The following STOML2 variants were observed in gnomAD, a reference collection of about 807,000 sequenced individuals.
STOML2 encodes the protein stomatin-like protein 2, mitochondrial.
In STOML2, 22 loss-of-function variants were observed where a neutral mutation model predicts 45.7. The ratio of observed to expected loss-of-function variants is 0.48; its 90% CI spans 0.34 to 0.69. The LOEUF is 0.69. Among genes scored for constraint, STOML2 ranks in the 30% least tolerant of loss-of-function variants. The pLI is 0.01. For synonymous variants in STOML2, 181 were observed against 182.7 expected (o/e 0.99, Z 0.08); for missense variants, 359 against 466.9 (o/e 0.77, Z 2.13).
At position 35,102,457 on chromosome 9, in the gene STOML2, G is replaced by A; in HGVS notation, c.183+229C>T. 1 of 709,434 alleles carries A rather than the reference G, an allele frequency of 1.4e-6. No homozygotes were observed. Among genetic ancestry groups the A allele is most frequent in the Non-Finnish European group, 2.3e-6 (1 of 434,282 alleles). 43.9% of individuals were successfully genotyped at this position (709,434 alleles called of 1,614,324 possible). A position where few individuals can be genotyped will look rare whatever the true frequency, so the allele number is the denominator to read the frequency against. ...ATAGCCATCTCTATGCAGACTGAGA[G>A]GTAGGGCTGAGAGTGGGCAGGGGAG... On this transcript the variant is annotated intron_variant, in intron 2 of 9. Transcript: ENST00000356493. This position sits in a 1 kb window ranked among gnomAD's most constrained non-coding sequence, Gnocchi z 4.8.
intron 8 of STOML2, 26 bp downstream of exon 8, chr9:35,100,906 C>T (rs1191998311): frequency 6.2e-7 from 1 of 1,614,028 alleles, no homozygotes; most frequent in African/African-American, 1.3e-5. Flanking sequence ...AATTCCTGTC[C>T]CCATTCCCAC....
chr9:35,103,091 G>A lies in STOML2; in HGVS notation c.4C>T (p.Leu2=), dbSNP rs369859096. Residue 2 remains leucine, a synonymous_variant, in exon 1 of 10, where the codon CTG becomes TTG. Coordinates refer to ENST00000356493, the MANE Select transcript of STOML2 (RefSeq NM_013442.3). ...CCAGTGCCCCGCGCCGCGCGCGCCAGCATTTCCCACCGCCGCAGCGACCTC... is the reference window on the plus strand; with the variant it reads ...CCAGTGCCCCGCGCCGCGCGCGCCAACATTTCCCACCGCCGCAGCGACCTC... The part of the protein sequence containing the change: M[L]ARAARGTGAL... The A allele has an allele frequency of 1.2e-6, 2 of 1,613,580 alleles. No individual in the cohort carries two copies. The highest frequency in any genetic ancestry group is 1.3e-5 in the African/African-American group (1 of 75,072).
chr9:35,100,092 A>G lies in STOML2; in HGVS notation c.1014T>C (p.Asp338=). 6.2e-7 allele frequency: 1 copy of G among 1,614,212 alleles called. No homozygotes were observed. The highest frequency in any genetic ancestry group is 1.3e-5 in the African/African-American group (1 of 75,040). Reference sequence around the variant, plus strand: ...CAAGACTTGCATCTGTACCCTGGACATCTCTGCTGCTCCCACTGGAGAGTG... The same window carrying G: ...CAAGACTTGCATCTGTACCCTGGACGTCTCTGCTGCTCCCACTGGAGAGTG... ...PDSLSSGSSR[D]VQGTDASLDE... Residue 338 remains aspartate, a synonymous_variant, in exon 10 of 10, where the codon GAT becomes GAC. Transcript: ENST00000356493.
Position 35,100,693 on chromosome 9 carries a change from C to T in STOML2, c.838G>A (p.Glu280Lys), listed in dbSNP as rs1470743758. ...TTGGAGAACGCGCTGACATACTGCT[C>T]GGCCACAGTCAGTGAAGCTGCTGCA... Reference protein sequence around the residue: ...GDAAASLTVAEQYVSAFSKLA... With the variant: ...GDAAASLTVAKQYVSAFSKLA... Residue 280 changes from glutamate to lysine, a missense_variant, in exon 9 of 10, where the codon GAG becomes AAG. Transcript: ENST00000356493. The T allele has an allele frequency of 2.5e-6, 4 of 1,613,984 alleles. No individual in the cohort carries two copies. Among genetic ancestry groups the T allele is most frequent in the South Asian group, 2.2e-5 (2 of 91,042 alleles).
chr9:35,103,080 C>G lies in STOML2; in HGVS notation c.15G>C (p.Ala5=), dbSNP rs1271913451. 1.2e-6 allele frequency: 2 copies of G among 1,613,920 alleles called. No individual in the cohort carries two copies. Among genetic ancestry groups the G allele is most frequent in the African/African-American group, 1.3e-5 (1 of 75,060 alleles). ...GCAAAAGGGCCCCAGTGCCCCGCGC[C>G]GCGCGCGCCAGCATTTCCCACCGCC... is the stretch of plus-strand genomic sequence containing the variant. The part of the protein sequence containing the change: MLAR[A]ARGTGALLLR... Residue 5 remains alanine (A), a synonymous_variant, in exon 1 of 10, where the codon GCG becomes GCC. Coordinates refer to ENST00000356493, the MANE Select transcript of STOML2 (RefSeq NM_013442.3).
At position 35,102,450 on chromosome 9, in the gene STOML2, A is replaced by C; in HGVS notation, c.183+236T>G. 1.4e-6 allele frequency: 1 copy of C among 691,474 alleles called. No homozygotes were observed. The highest frequency in any genetic ancestry group is 2.4e-6 in the Non-Finnish European group (1 of 418,790). The allele number at this position is 691,474 out of a possible 1,614,324, so 42.8% of individuals were successfully genotyped here. A position where few individuals can be genotyped will look rare whatever the true frequency, so the allele number is the denominator to read the frequency against. The stretch of plus-strand genomic sequence containing the variant: ...CAGCAGAATAGCCATCTCTATGCAG[A>C]CTGAGAGGTAGGGCTGAGAGTGGGC... On this transcript the variant is annotated intron_variant, in intron 2 of 9. Transcript: ENST00000356493. This position sits in a 1 kb window ranked among gnomAD's most constrained non-coding sequence, Gnocchi z 4.8.
Position 35,100,121 on chromosome 9 carries a change from C to A in STOML2, c.985G>T (p.Asp329Tyr), listed in dbSNP as rs1276517125. ...LTKAPVPGTPDSLSSGSSRDV... is the reference protein window; with the variant it reads ...LTKAPVPGTPYSLSSGSSRDV... ...CTGCTGCTCCCACTGGAGAGTGAGT[C>A]TGGAGTCCCTGGCACTGGGGCTTTG... The change falls in exon 10 of 10, where the codon GAC becomes TAC. Residue 329 changes from aspartate to tyrosine, a missense_variant. By Grantham distance (160) the Asp-to-Tyr change is radical (BLOSUM62 -3). This residue lies in a region of STOML2 where 285 missense variants were observed against 422.0 expected (regional missense o/e 0.68). Coordinates refer to ENST00000356493, the MANE Select transcript of STOML2 (RefSeq NM_013442.3). 1 of 1,614,050 alleles carries A rather than the reference C, an allele frequency of 6.2e-7. No homozygotes were observed. Among genetic ancestry groups the A allele is most frequent in the East Asian group, 2.2e-5 (1 of 44,898 alleles).
At position 35,102,673 on chromosome 9, in the gene STOML2, A is replaced by G; in HGVS notation, c.183+13T>C. On this transcript the variant is annotated intron_variant, in intron 2 of 9. Transcript: ENST00000356493. This position sits in a 1 kb window ranked among gnomAD's most constrained non-coding sequence, Gnocchi z 4.8. ...ATCTGGCTGGCCCAGGGTGGGCAGA[A>G]GAGGTTTCTCACAGGCTCCAGGATC... is the stretch of plus-strand genomic sequence containing the variant. The G allele has an allele frequency of 6.2e-7, 1 of 1,611,982 alleles. No homozygotes were observed. The highest frequency in any genetic ancestry group is 2.2e-5 in the East Asian group (1 of 44,874).
chr9:35,101,357 A>G lies in STOML2; in HGVS notation c.579+69T>C. The stretch of plus-strand genomic sequence containing the variant: ...ATGCAACTCTACCCATCATAACAGG[A>G]GGGAAGTCTGGATCCTCCTGGTACT... On this transcript the variant is annotated intron_variant, in intron 6 of 9. Transcript: ENST00000356493. This position sits in a 1 kb window ranked among gnomAD's most constrained non-coding sequence, Gnocchi z 4.3. 6.2e-7 allele frequency: 1 copy of G among 1,610,154 alleles called. No individual in the cohort carries two copies. Among genetic ancestry groups the G allele is most frequent in the Non-Finnish European group, 8.5e-7 (1 of 1,178,340 alleles).
rs778672923 is a variant in STOML2 at position 35,100,705 on chromosome 9, G to A, written c.826C>T (p.Leu276=). 8 of 1,614,180 alleles carry A rather than the reference G, an allele frequency of 5.0e-6. No individual in the cohort carries two copies. Among genetic ancestry groups the A allele is most frequent in the Non-Finnish European group, 6.8e-6 (8 of 1,180,040 alleles). ...TQHNGDAAAS[L]TVAEQYVSAF... ...CTGACATACTGCTCGGCCACAGTCA[G>A]TGAAGCTGCTGCATCTCCATTCTGT... The change falls in exon 9 of 10, where the codon CTG becomes TTG. Residue 276 remains leucine, a synonymous_variant. Coordinates refer to ENST00000356493, the MANE Select transcript of STOML2 (RefSeq NM_013442.3).
chr9:35,101,411 C>T lies in STOML2; in HGVS notation c.579+15G>A. 6.2e-7 allele frequency: 1 copy of T among 1,614,082 alleles called. No homozygotes were observed. Among genetic ancestry groups the T allele is most frequent in the Non-Finnish European group, 8.5e-7 (1 of 1,179,944 alleles). ...GCACCCTGAGGCCCTTTTCCCACCC[C>T]TCCTTGGCCCCCACCTGCATCTGCA... On this transcript the variant is annotated intron_variant, in intron 6 of 9. Coordinates refer to ENST00000356493, the MANE Select transcript of STOML2 (RefSeq NM_013442.3). The surrounding 1 kb of genome is among the most constrained non-coding windows in gnomAD (Gnocchi z 4.3).
chr9:35,103,181 T>A (rs1408382598), upstream of STOML2: 8 of 1,524,780 alleles, frequency 5.2e-6, no homozygotes, highest in Non-Finnish European at 6.2e-6. Flanking sequence ...CCTCTTGCAG[T>A]TCCGCTCCCC....
chr9:35,101,120 C>A lies in STOML2; in HGVS notation c.724+15G>T, dbSNP rs1469368042. On this transcript the variant is annotated intron_variant, in intron 7 of 9. Coordinates refer to ENST00000356493, the MANE Select transcript of STOML2 (RefSeq NM_013442.3). The surrounding 1 kb of genome is among the most constrained non-coding windows in gnomAD (Gnocchi z 4.3). ...CCATGCCTTGCTCCTCCCTCAGCCT[C>A]TACCCTCTCCTGACCTGCTGCCTGA... The A allele has an allele frequency of 1.2e-6, 2 of 1,614,226 alleles. No homozygotes were observed. The highest frequency in any genetic ancestry group is 1.1e-5 in the South Asian group (1 of 91,086).
intron 8 of STOML2, 38 bp from the exon 9 acceptor site, chr9:35,100,764 T>C (rs1196759817): frequency 1.9e-6 from 3 of 1,613,326 alleles, no homozygotes; most frequent in Admixed American, 3.3e-5. Context: ...AGATCACCGA[T>C]ACGGAGAAGA....
intron 8 of STOML2, 95 bp downstream of exon 8, chr9:35,100,837 C>G: frequency 1.2e-6 from 2 of 1,608,948 alleles, no homozygotes; most frequent in Non-Finnish European, 1.7e-6. Context: ...TCTGGCTCAA[C>G]AGAGCCCACA....
Position 35,102,831 on chromosome 9 carries a change from A to G in STOML2, c.46-8T>C. ...AGAAGCCAGTAGAGAGCCCTGAAGG[A>G]AAGAAGAGGGTGAGCAGAGATCCCA... On this transcript the variant is annotated splice_region_variant and splice_polypyrimidine_tract_variant and intron_variant, in intron 1 of 9. Coordinates refer to ENST00000356493, the MANE Select transcript of STOML2 (RefSeq NM_013442.3). This position sits in a 1 kb window ranked among gnomAD's most constrained non-coding sequence, Gnocchi z 4.8. The G allele has an allele frequency of 1.2e-6, 2 of 1,613,698 alleles. No individual in the cohort carries two copies. The highest frequency in any genetic ancestry group is 2.7e-5 in the African/African-American group (2 of 75,050).
In STOML2 at chr9:35,101,951, G is replaced by A; in HGVS notation, c.295C>T (p.Leu99=). 1 of 1,614,158 alleles carries A rather than the reference G, an allele frequency of 6.2e-7. No individual in the cohort carries two copies. The highest frequency in any genetic ancestry group is 8.5e-7 in the Non-Finnish European group (1 of 1,180,032). Residue 99 remains leucine (L), a synonymous_variant, in exon 4 of 10, where the codon CTG becomes TTG. Coordinates refer to ENST00000356493, the MANE Select transcript of STOML2 (RefSeq NM_013442.3). The surrounding 1 kb of genome is among the most constrained non-coding windows in gnomAD (Gnocchi z 4.3). ...QSAVTLDNVT[L]QIDGVLYLRI... is the part of the protein sequence containing the mutation. ...AGGTAAAGGACTCCATCGATTTGCA[G>A]AGTTACATTGTCTGTAGAACCAGGA...
chr9:35,103,164 A>G, upstream of STOML2: 1 of 1,585,608 alleles, frequency 6.3e-7, no homozygotes, highest in Non-Finnish European at 8.6e-7. Flanking sequence ...AGCCTACCCG[A>G]GCCTTTCCTC....
rs1829779072 is a variant in STOML2, at chr9:35,099,860, C to A, written c.*175G>T. 1 of 697,020 alleles carries A rather than the reference C, an allele frequency of 1.4e-6. No homozygotes were observed. The highest frequency in any genetic ancestry group is 2.3e-6 in the Non-Finnish European group (1 of 426,372). 43.2% of individuals were successfully genotyped at this position (697,020 alleles called of 1,614,324 possible). A position where few individuals can be genotyped will look rare whatever the true frequency, so the allele number is the denominator to read the frequency against. On this transcript the variant is annotated 3_prime_UTR_variant, in exon 10 of 10. Transcript: ENST00000356493. ...ATCCAAGGAAAATGCTAGTGACTTT[C>A]CCAACTTCATTCCCCAATCAAAGAG...
Sources: gnomAD v4.1 joint callset for allele counts on GRCh38, gnomAD v4.1.1 for gene constraint, gnomAD v4.1.1 regional missense constraint, Gnocchi (gnomAD v3.1) non-coding constraint, MANE v1.5 for transcripts, NCBI Gene and HGNC (gene_info 2026-07-23, HGNC 2026-07-21) for gene names.